Variants in ARHGEF28 observed in about 807,000 individuals in gnomAD.
The protein encoded by ARHGEF28 is 190 kDa guanine nucleotide exchange factor.
A neutral mutation model predicts 206.6 loss-of-function variants in ARHGEF28; 152 were observed. That is an observed-to-expected ratio of 0.74 (90% CI 0.64 to 0.84). The LOEUF (loss-of-function observed/expected upper bound fraction) is 0.84, where lower values mean the gene tolerates loss of function less well. ARHGEF28 is among the 40% of genes least tolerant of loss of function. ARHGEF28 has a pLI of 0.00. For synonymous variants in ARHGEF28, 763 were observed against 776.4 expected, an observed-to-expected ratio of 0.98 and a Z score of 0.29; for missense variants, 2,028 against 2,073.2, an observed-to-expected ratio of 0.98 and a Z score of 0.42.
chr5:73,834,950 C>A (rs1219534619), intron 10 of ARHGEF28: 2 of 152,058 alleles, frequency 1.3e-5, no homozygotes, highest in Non-Finnish European at 2.9e-5. Flanking sequence ...TTGGAGTCTC[C>A]AAAGTGATAG....
At chr5:73,938,201 A>ACACACACACAG (rs1561211238) in intron 35 of ARHGEF28, among the ~76,000 whole-genome samples, 2 of 34,266 alleles carry the variant, frequency 5.8e-5, no homozygotes, top group Admixed American at 2.8e-4. Context: ...CACACACACA[A>ACACACACACAG]CTCCCCATCC....
chr5:73,685,170 T>G (rs1261469262), intron 2 of ARHGEF28, among the ~76,000 whole-genome samples: 1 of 152,232 alleles, frequency 6.6e-6, no homozygotes, highest in Non-Finnish European at 1.5e-5. Flanking sequence ...GAATATATTA[T>G]TTTATGATAA....
intron 9 of ARHGEF28, among the ~76,000 whole-genome samples, chr5:73,827,179 A>C (rs536988202): frequency 6.6e-6 from 1 of 152,224 alleles, no homozygotes; most frequent in East Asian, 1.9e-4. Flanking sequence ...TATGTTTTTC[A>C]GTTAACCATG....
intron 4 of ARHGEF28, 57 bp from the exon 5 acceptor site, chr5:73,773,798 G>C: frequency 6.9e-7 from 1 of 1,456,298 alleles, no homozygotes; most frequent in Non-Finnish European, 9.2e-7. Context: ...GATAAAATGT[G>C]TAAAACAAAC....
At chr5:73,913,878 C>T (rs1029529900) in intron 35 of ARHGEF28, among the ~76,000 whole-genome samples, 4 of 152,192 alleles carry the variant, frequency 2.6e-5, no homozygotes, top group South Asian at 2.1e-4. Flanking sequence ...TAGGCCATAA[C>T]GTCTGCCGTT....
chr5:73,771,066 A>C (rs778877442), intron 4 of ARHGEF28, among the ~76,000 whole-genome samples: 1 of 152,230 alleles, frequency 6.6e-6, no homozygotes, highest in South Asian at 2.1e-4. Context: ...TGCACCAGAC[A>C]TGGCAGAAAG....
intron 15 of ARHGEF28, 98 bp from the exon 16 acceptor site, chr5:73,857,989 G>T: frequency 1.3e-6 from 2 of 1,498,922 alleles, no homozygotes. Context: ...GGAAAATGTA[G>T]AGACTTTGCT....
At chr5:73,684,461 TTATC>T (rs1580479362) in intron 1 of ARHGEF28, among the ~76,000 whole-genome samples, 1 of 152,378 alleles carries the variant, frequency 6.6e-6, no homozygotes, top group African/African-American at 2.4e-5. Flanking sequence ...CACATTTTGA[TTATC>T]CATCCATCCG....
chr5:73,891,127 A>G (rs1761599633), intron 26 of ARHGEF28, among the ~76,000 whole-genome samples: 1 of 152,194 alleles, frequency 6.6e-6, no homozygotes. Flanking sequence ...GTGCATGAAG[A>G]TGAATGAGAC....
chr5:73,749,949 G>C lies in ARHGEF28; in HGVS notation c.146G>C (p.Arg49Pro), dbSNP rs562632840. 1 of 1,613,862 alleles carries C rather than the reference G, an allele frequency of 6.2e-7. No individual in the cohort carries two copies. The highest frequency in any genetic ancestry group is 8.5e-7 in the Non-Finnish European group (1 of 1,179,838). The change falls in exon 3 of 36, where the codon CGC becomes CCC. Residue 49 changes from arginine to proline, a missense_variant. Physicochemically the swap from Arg to Pro is moderately radical, Grantham distance 103. This residue lies in a region of ARHGEF28 where 1,002 missense variants were observed against 1,015.3 expected (regional missense o/e 0.99). Coordinates refer to ENST00000513042, the MANE Select transcript of ARHGEF28 (RefSeq NM_001177693.2). ...SHQRHVMIAERIEDNVLQSSV... is the reference protein window; with the variant it reads ...SHQRHVMIAEPIEDNVLQSSV... ...CAGCGACATGTCATGATTGCAGAGCGCATCGAGGATAACGTTCTCCAGTCC... is the reference window on the plus strand; with the variant it reads ...CAGCGACATGTCATGATTGCAGAGCCCATCGAGGATAACGTTCTCCAGTCC...
intron 9 of ARHGEF28, among the ~76,000 whole-genome samples, chr5:73,813,157 G>A (rs943766877): frequency 1.3e-5 from 2 of 152,040 alleles, no homozygotes; most frequent in South Asian, 4.2e-4. Context: ...TTCTCACTCC[G>A]AGCAAAACAA....
intron 2 of ARHGEF28, among the ~76,000 whole-genome samples, chr5:73,711,638 G>A (rs1004093245): frequency 2.6e-5 from 4 of 152,074 alleles, no homozygotes; most frequent in African/African-American, 9.7e-5. Context: ...GCTAGTATAT[G>A]GGAATACGGT....
intron 3 of ARHGEF28, among the ~76,000 whole-genome samples, chr5:73,750,990 T>A (rs905160): frequency 6.6e-6 from 1 of 152,116 alleles, no homozygotes; most frequent in Admixed American, 6.5e-5. Flanking sequence ...CAGATACCTC[T>A]TAGCTCTACC....
chr5:73,851,300 G>A (rs1758683978), intron 13 of ARHGEF28, among the ~76,000 whole-genome samples: 1 of 152,040 alleles, frequency 6.6e-6, no homozygotes, highest in African/African-American at 2.4e-5. Context: ...GAGCTGTAAT[G>A]CAGATATACA....
At position 73,753,107 on chromosome 5, in the gene ARHGEF28, G is replaced by C. The variant is rs200456357; in HGVS notation, c.380G>C (p.Gly127Ala). The C allele has an allele frequency of 1.9e-4, 307 of 1,595,062 alleles. 2 individuals carry two copies. In the African/African-American group the frequency reaches 2.9e-3, roughly 15 times the overall value. The change falls in exon 4 of 36, where the codon GGA (glycine) becomes GCA (alanine). Residue 127 changes from glycine to alanine, a missense_variant. By Grantham distance (60) the Gly-to-Ala change is moderately conservative (BLOSUM62 0). Coordinates refer to ENST00000513042, the MANE Select transcript of ARHGEF28 (RefSeq NM_001177693.2). ...TLLTPFALTAGALPALDEELV... is the reference protein window; with the variant it reads ...TLLTPFALTAAALPALDEELV... ...CTGACCCCATTTGCCTTGACGGCAG[G>C]AGCACTGCCTGCCTTGGATGAGGAG... is the stretch of plus-strand genomic sequence containing the variant.
intron 2 of ARHGEF28, among the ~76,000 whole-genome samples, chr5:73,747,975 T>C (rs1751821540): frequency 6.6e-6 from 1 of 152,228 alleles, no homozygotes; most frequent in African/African-American, 2.4e-5. Flanking sequence ...GCAGATTAGA[T>C]ATCCTTGTGA....
At chr5:73,788,205 T>C (rs1754273116) in intron 7 of ARHGEF28, among the ~76,000 whole-genome samples, 1 of 152,242 alleles carries the variant, frequency 6.6e-6, no homozygotes, top group African/African-American at 2.4e-5. Context: ...AAAGGTTAGT[T>C]TCTTTCTTGA....
intron 18 of ARHGEF28, among the ~76,000 whole-genome samples, chr5:73,867,008 T>C (rs1407202928): frequency 6.6e-6 from 1 of 152,216 alleles, no homozygotes; most frequent in Non-Finnish European, 1.5e-5. Flanking sequence ...AACTGTCACA[T>C]CACTCTCTTG....
chr5:73,880,862 G>C (rs1392790192), intron 22 of ARHGEF28, among the ~76,000 whole-genome samples: 2 of 151,956 alleles, frequency 1.3e-5, no homozygotes, highest in African/African-American at 4.8e-5. Flanking sequence ...AGCCTGGGAG[G>C]TTGAGGTTGC....
Sources: gnomAD v4.1 joint callset for allele counts (sites outside exome capture counted in the v4.1 genomes callset) on GRCh38, gnomAD v4.1.1 for gene constraint, gnomAD v4.1.1 regional missense constraint, MANE v1.5 for transcripts, NCBI Gene and HGNC (gene_info 2026-07-23, HGNC 2026-07-21) for gene names.